ACTN4: variants seen among roughly 807,000 people sequenced by gnomAD.
The protein encoded by ACTN4 is actinin alpha 4.
Under a neutral mutation model 114.2 loss-of-function variants are expected in ACTN4, and 18 were observed. That is an observed-to-expected ratio of 0.16 (90% confidence interval 0.11 to 0.23). The LOEUF (loss-of-function observed/expected upper bound fraction) is 0.23. Among genes scored for constraint, ACTN4 ranks in the 10% least tolerant of loss-of-function variants. The pLI, the probability that ACTN4 is intolerant of heterozygous loss-of-function variation, is 1.00. For synonymous variants in ACTN4, 515 were observed against 506.3 expected, an observed-to-expected ratio of 1.02 and a Z score of -0.23; for missense variants, 722 against 1,262.9, an observed-to-expected ratio of 0.57 and a Z score of 6.49.
At position 38,662,663 on chromosome 19, in the gene ACTN4, A is replaced by G. The variant is rs547529499; in HGVS notation, c.162+14756A>G. 9.8e-5 allele frequency among the ~76,000 whole-genome samples: 15 copies of G among 152,312 alleles called. No individual in the cohort carries two copies. The South Asian group carries it at 3.1e-3, about 32-fold the overall frequency. On this transcript the variant is annotated intron_variant, in intron 1 of 20. Transcript: ENST00000252699. ...GGGAAGAGGTGCATGGCACATGGAA[A>G]ATGTGTCGGATTAGGTTGAGTCCTA... is the stretch of plus-strand genomic sequence containing the variant.
chr19:38,699,453 C>A (rs1231041369), intron 1 of ACTN4, among the ~76,000 whole-genome samples: 1 of 152,142 alleles, frequency 6.6e-6, no homozygotes, highest in Non-Finnish European at 1.5e-5. Context: ...TGCACTGAGT[C>A]TTAAAAATAG....
At chr19:38,690,146 G>A (rs1041608578) in intron 1 of ACTN4, among the ~76,000 whole-genome samples, 1 of 152,198 alleles carries the variant, frequency 6.6e-6, no homozygotes, top group Non-Finnish European at 1.5e-5. Flanking sequence ...GCGGGAGTGG[G>A]CCACCCCCTT....
At chr19:38,700,878 G>A (rs1186709812) in intron 2 of ACTN4, 124 bp from the exon 3 acceptor site, 2 of 1,465,654 alleles carry the variant, frequency 1.4e-6, no homozygotes, top group African/African-American at 2.8e-5. Context: ...GAGTGGCCTG[G>A]TGGGCCAGCA....
At chr19:38,718,376 G>A (rs533777517) in intron 11 of ACTN4, 1 of 454,828 alleles carries the variant, frequency 2.2e-6, no homozygotes, top group Non-Finnish European at 4.1e-6. Context: ...AAAAATTTTA[G>A]AATAATAAAA....
rs141208726 is a variant in ACTN4 at position 38,731,075 on chromosome 19, CCCATGCCCCA to C, written c.*1651_*1660del. ...CCCACCAGTCCCCGTACCCCTTCCCCCCATGCCCCACCATGCCGGGGTGGTACTCACAGAA... is the reference window on the plus strand; with the variant it reads ...CCCACCAGTCCCCGTACCCCTTCCCCCCATGCCGGGGTGGTACTCACAGAA... On this transcript the variant is annotated 3_prime_UTR_variant, in exon 21 of 21. Coordinates refer to ENST00000252699, the MANE Select transcript of ACTN4 (RefSeq NM_004924.6). 274,417 of 1,587,832 alleles carry C rather than the reference CCCATGCCCCA, an allele frequency of 0.17. 25,083 individuals are homozygous for C. The highest frequency in any genetic ancestry group is 0.34 in the Middle Eastern group (1,961 of 5,850).
chr19:38,706,972 G>A (rs1968482425), intron 5 of ACTN4, among the ~76,000 whole-genome samples: 1 of 152,218 alleles, frequency 6.6e-6, no homozygotes, highest in Non-Finnish European at 1.5e-5. Flanking sequence ...GGGAGCACTG[G>A]CTCTGGGGGC....
At chr19:38,686,618 C>G (rs1187959170) in intron 1 of ACTN4, among the ~76,000 whole-genome samples, 8 of 152,246 alleles carry the variant, frequency 5.3e-5, no homozygotes, top group Non-Finnish European at 1.5e-5. Flanking sequence ...CCATCTCCTC[C>G]TCCTGGTGAG....
At position 38,730,363 on chromosome 19, in the gene ACTN4, AC is replaced by A. The variant is rs1969484964; in HGVS notation, c.*934del. The A allele has an allele frequency of 5.7e-6, 1 of 176,100 alleles. No individual in the cohort carries two copies. Among genetic ancestry groups the A allele is most frequent in the Non-Finnish European group, 1.2e-5 (1 of 82,380 alleles). The allele number at this position is 176,100 out of a possible 1,614,324, so 10.9% of individuals were successfully genotyped here. Reference sequence around the variant, plus strand: ...CTGCGTCGGGCGTGGGTCTCTGGGGACCCTCCAGAGGTGGAGGTGGGCTGAT... The same window carrying A: ...CTGCGTCGGGCGTGGGTCTCTGGGGACCTCCAGAGGTGGAGGTGGGCTGAT... On this transcript the variant is annotated 3_prime_UTR_variant, in exon 21 of 21. Transcript: ENST00000252699.
intron 1 of ACTN4, among the ~76,000 whole-genome samples, chr19:38,685,934 C>T (rs1316976258): frequency 6.6e-6 from 1 of 152,214 alleles, no homozygotes; most frequent in Non-Finnish European, 1.5e-5. Flanking sequence ...CATATTCACC[C>T]TTCCACCAGC....
intron 1 of ACTN4, among the ~76,000 whole-genome samples, chr19:38,659,250 G>A (rs140213100): frequency 7.0e-4 from 107 of 151,786 alleles, no homozygotes; most frequent in Non-Finnish European, 1.2e-3. Flanking sequence ...TAGGAGAGAC[G>A]GAGTTTCACC....
intron 1 of ACTN4, among the ~76,000 whole-genome samples, chr19:38,662,565 AGT>A (rs952934610): frequency 4.6e-5 from 7 of 152,150 alleles, no homozygotes; most frequent in African/African-American, 1.4e-4. Context: ...AGGGGAGATA[AGT>A]GTGTGTGTGT....
intron 11 of ACTN4, among the ~76,000 whole-genome samples, chr19:38,719,725 C>G (rs1351542588): frequency 1.3e-5 from 2 of 152,258 alleles, no homozygotes; most frequent in Non-Finnish European, 1.5e-5. Flanking sequence ...TGGGCGTCGC[C>G]CTGTGGCTGA....
chr19:38,728,067 C>T (rs764915197), intron 19 of ACTN4, 41 bp downstream of exon 19: 32 of 1,254,004 alleles, frequency 2.6e-5, no homozygotes, highest in Non-Finnish European at 7.7e-6. Flanking sequence ...GCATTAACTG[C>T]TCTCTCTCTC....
chr19:38,679,478 A>G (rs1218049427), intron 1 of ACTN4, among the ~76,000 whole-genome samples: 1 of 152,070 alleles, frequency 6.6e-6, no homozygotes, highest in Non-Finnish European at 1.5e-5. Context: ...ATCAGTGATT[A>G]TCAGCATTTT....
Position 38,691,410 on chromosome 19 carries a change from AAAAAC to A in ACTN4, c.163-9185_163-9181del, listed in dbSNP as rs1280150989. ...AAGTGAAACTCCGTCTCAAAAAAAAAAAAACAAAAAAAACAAAAAAAAAAACCCAA... is the reference window on the plus strand; with the variant it reads ...AAGTGAAACTCCGTCTCAAAAAAAAAAAAAAAAACAAAAAAAAAAACCCAA... On this transcript the variant is annotated intron_variant, in intron 1 of 20. Transcript: ENST00000252699. 4.0e-5 allele frequency among the ~76,000 whole-genome samples: 6 copies of A among 149,068 alleles called. No homozygotes were observed. In the East Asian group the frequency reaches 1.2e-3, roughly 30 times the overall value.
intron 1 of ACTN4, among the ~76,000 whole-genome samples, chr19:38,679,568 CGTGTGTGTGTGTGTGTGT>C (rs10583743): frequency 2.1e-5 from 3 of 145,524 alleles, no homozygotes; most frequent in African/African-American, 5.1e-5. Flanking sequence ...TTTGGGTGTG[CGTGTGTGTGTGTGTGTGT>C]GTGTGTGTGT....
chr19:38,647,904 C>T lies in ACTN4; in HGVS notation c.159C>T (p.Arg53=), dbSNP rs540091109. The T allele has an allele frequency of 6.7e-7, 1 of 1,494,128 alleles. No homozygotes were observed. The highest frequency in any genetic ancestry group is 8.9e-7 in the Non-Finnish European group (1 of 1,119,790). 92.6% of individuals were successfully genotyped at this position (1,494,128 alleles called of 1,614,324 possible). Residue 53 remains arginine (R), a synonymous_variant, in exon 1 of 21, where the codon CGC becomes CGT. Transcript: ENST00000252699. ...LLDPAWEKQQ[R]KTFTAWCNSH... ...ACCCGGCCTGGGAGAAGCAGCAGCG[C>T]AAGGTGCGCGGCCCGCGGGCCGGAC...
At position 38,647,657 on chromosome 19, in the gene ACTN4, T is replaced by A; in HGVS notation, c.-89T>A. 5 of 1,466,194 alleles carry A rather than the reference T, an allele frequency of 3.4e-6. No homozygotes were observed. Among genetic ancestry groups the A allele is most frequent in the Non-Finnish European group, 4.5e-6 (5 of 1,106,690 alleles). 90.8% of individuals were successfully genotyped at this position (1,466,194 alleles called of 1,614,324 possible). A position where few individuals can be genotyped will look rare whatever the true frequency, so the allele number is the denominator to read the frequency against. ...CGGGCGGAGGGCGGGCTGAAGCAGC[T>A]GAAGCGGCGGTAGCGGCGGCGGCTC... On this transcript the variant is annotated 5_prime_UTR_variant, in exon 1 of 21. Transcript: ENST00000252699.
At chr19:38,679,133 A>G (rs1183929347) in intron 1 of ACTN4, among the ~76,000 whole-genome samples, 2 of 152,206 alleles carry the variant, frequency 1.3e-5, no homozygotes, top group Non-Finnish European at 2.9e-5. Flanking sequence ...ATCCTGGGAA[A>G]AAGACACGTG....
Sources: gnomAD v4.1 joint callset for allele counts (sites outside exome capture counted in the v4.1 genomes callset) on GRCh38, gnomAD v4.1.1 for gene constraint, MANE v1.5 for transcripts, NCBI Gene and HGNC (gene_info 2026-07-23, HGNC 2026-07-21) for gene names.